The following BAZ2B variants were observed in gnomAD, a reference collection of about 807,000 sequenced individuals.
BAZ2B encodes the protein bromodomain adjacent to zinc finger domain protein 2B.
BAZ2B carries 91 observed loss-of-function variants against 246.0 expected under a neutral mutation model. The observed-to-expected ratio is 0.37, with a 90% CI of 0.31 to 0.44. The LOEUF (loss-of-function observed/expected upper bound fraction) is 0.44. Ranked by LOEUF, BAZ2B falls within the 20% of genes least tolerant of loss-of-function variation. The pLI is 1.00. For missense variants in BAZ2B, 2,332 were observed against 2,533.7 expected (o/e 0.92, Z 1.71); for synonymous variants, 855 against 860.0 (o/e 0.99, Z 0.10).
chr2:159,544,265 T>C (rs986669399), intron 2 of BAZ2B, among the ~76,000 whole-genome samples: 4 of 152,192 alleles, frequency 2.6e-5, no homozygotes, highest in Non-Finnish European at 5.9e-5. Context: ...TGTCTAACTC[T>C]TAGAGTTAAG....
intron 2 of BAZ2B, among the ~76,000 whole-genome samples, chr2:159,513,924 T>A (rs1322077658): frequency 6.6e-6 from 1 of 152,106 alleles, no homozygotes; most frequent in Non-Finnish European, 1.5e-5. Context: ...TCCATACCCG[T>A]ACTCACAATG....
At chr2:159,346,792 A>G (rs2067919558) in intron 31 of BAZ2B, among the ~76,000 whole-genome samples, 1 of 152,184 alleles carries the variant, frequency 6.6e-6, no homozygotes, top group Non-Finnish European at 1.5e-5. Context: ...CCCTCTTTAC[A>G]AAACCAAAAA....
intron 22 of BAZ2B, among the ~76,000 whole-genome samples, chr2:159,385,924 G>A (rs1449864051): frequency 6.6e-6 from 1 of 152,132 alleles, no homozygotes; most frequent in Non-Finnish European, 1.5e-5. Flanking sequence ...TGAACTTATT[G>A]AGGATCCACT....
At chr2:159,672,408 T>C in the BAZ2B span, among the ~76,000 whole-genome samples, 1 of 152,204 alleles carries the variant, frequency 6.6e-6, no homozygotes, top group Non-Finnish European at 1.5e-5. Flanking sequence ...ATGGCCAATA[T>C]TGTCTTTTTC....
intron 3 of BAZ2B, among the ~76,000 whole-genome samples, chr2:159,467,224 G>T (rs1318904086): frequency 6.6e-6 from 1 of 152,164 alleles, no homozygotes; most frequent in Admixed American, 6.6e-5. Flanking sequence ...AGGATGTGCA[G>T]CCTTATGTAA....
chr2:159,569,996 G>A (rs1052815654), intron 1 of BAZ2B, among the ~76,000 whole-genome samples: 5 of 151,916 alleles, frequency 3.3e-5, no homozygotes, highest in South Asian at 2.1e-4. Context: ...TACATAGTAC[G>A]TTTTCAATAT....
At position 159,382,654 on chromosome 2, in the gene BAZ2B, C is replaced by A; in HGVS notation, c.3910G>T (p.Asp1304Tyr). ...GGDSDYDDDD[D>Y]DDSDDQGDED... ...TCCCCTTGGTCATCACTGTCATCGT[C>A]ATCATCATCGTCATAATCACTGTCT... The change falls in exon 25 of 37, where the codon GAC becomes TAC. Residue 1304 changes from aspartate (D) to tyrosine (Y), a missense_variant. Physicochemically the swap from Asp to Tyr is radical, Grantham distance 160 (BLOSUM62 -3). Coordinates refer to ENST00000392783, the MANE Select transcript of BAZ2B (RefSeq NM_013450.4). 1.3e-6 allele frequency: 2 copies of A among 1,597,462 alleles called. No individual in the cohort carries two copies. Among genetic ancestry groups the A allele is most frequent in the Non-Finnish European group, 1.7e-6 (2 of 1,170,002 alleles).
chr2:159,437,928 AT>A (rs1219669715), intron 8 of BAZ2B: 16 of 162,914 alleles, frequency 9.8e-5, no homozygotes, highest in Middle Eastern at 3.0e-3. Flanking sequence ...AAAAAAAAAA[AT>A]AAAAAAAAAT....
the BAZ2B span, among the ~76,000 whole-genome samples, chr2:159,643,878 A>C: frequency 5.0e-5 from 3 of 60,102 alleles, no homozygotes; most frequent in African/African-American, 1.4e-4. Context: ...CTCCATCACA[A>C]AAAAAAAAAA....
chr2:159,331,716 A>C (rs1002877929), intron 34 of BAZ2B, among the ~76,000 whole-genome samples: 4 of 152,198 alleles, frequency 2.6e-5, no homozygotes, highest in African/African-American at 9.7e-5. Flanking sequence ...TTACACAGCT[A>C]TATTCAGATA....
the BAZ2B span, among the ~76,000 whole-genome samples, chr2:159,653,426 G>C: frequency 6.6e-6 from 1 of 151,680 alleles, no homozygotes; most frequent in African/African-American, 2.4e-5. Flanking sequence ...CACATATGCA[G>C]CTGACCCAGA....
intron 3 of BAZ2B, chr2:159,463,671 A>G (rs1053876754): frequency 6.6e-5 from 10 of 151,698 alleles, no homozygotes; most frequent in African/African-American, 2.4e-4. Context: ...GGCCACTTAT[A>G]TGTTTCTTGA....
At chr2:159,446,344 A>G (rs2074249143) in intron 6 of BAZ2B, among the ~76,000 whole-genome samples, 2 of 152,202 alleles carry the variant, frequency 1.3e-5, no homozygotes, top group African/African-American at 4.8e-5. Flanking sequence ...TAATAGGTAC[A>G]AATGGTCATT....
At chr2:159,648,878 T>C in the BAZ2B span, among the ~76,000 whole-genome samples, 1 of 152,178 alleles carries the variant, frequency 6.6e-6, no homozygotes, top group African/African-American at 2.4e-5. Flanking sequence ...TATTCAATTT[T>C]TTTAAAAAAC....
rs111565363 is a variant in BAZ2B at position 159,603,497 on chromosome 2, G to A, written c.-46+12745C>T. On this transcript the variant is annotated intron_variant, in intron 1 of 36. Coordinates refer to ENST00000392783, the MANE Select transcript of BAZ2B (RefSeq NM_013450.4). ...TAGTTACAATGAAAGAGTATCCCTC[G>A]TTCTAGTTCGTGATTATCAGTCTAA... 6.6e-5 allele frequency among the ~76,000 whole-genome samples: 10 copies of A among 151,572 alleles called. 1 individual carries two copies. Among genetic ancestry groups the A allele is most frequent in the East Asian group, 1.9e-4 (1 of 5,156 alleles).
At chr2:159,364,198 G>A (rs752842030) in intron 27 of BAZ2B, among the ~76,000 whole-genome samples, 4 of 152,192 alleles carry the variant, frequency 2.6e-5, no homozygotes, top group African/African-American at 9.7e-5. Flanking sequence ...GGGTTTGCTA[G>A]AAATGGAGGA....
chr2:159,710,503 C>T, the BAZ2B span, among the ~76,000 whole-genome samples: 8 of 152,202 alleles, frequency 5.3e-5, no homozygotes, highest in Non-Finnish European at 2.9e-5. Flanking sequence ...CCACGGCGCC[C>T]GGCTGCAAAA....
chr2:159,516,754 GTTCTT>G (rs2083480853), intron 2 of BAZ2B: 1 of 152,256 alleles, frequency 6.6e-6, no homozygotes, highest in Non-Finnish European at 1.5e-5. Context: ...TCAAGTAATC[GTTCTT>G]TTCTTAATTT....
At chr2:159,430,778 A>G (rs1474232467) in intron 10 of BAZ2B, 85 bp downstream of exon 10, 1 of 1,518,994 alleles carries the variant, frequency 6.6e-7, no homozygotes, top group Middle Eastern at 1.9e-4. Flanking sequence ...TTCCAGTGAG[A>G]TCATCTCCAG....
Sources: gnomAD v4.1 joint callset for allele counts (sites outside exome capture counted in the v4.1 genomes callset) on GRCh38, gnomAD v4.1.1 for gene constraint, MANE v1.5 for transcripts, NCBI Gene and HGNC (gene_info 2026-07-23, HGNC 2026-07-21) for gene names.